The following TLN2 variants were observed in gnomAD, a reference collection of about 807,000 sequenced individuals.
The protein encoded by TLN2 is talin 2.
TLN2 carries 118 observed loss-of-function variants against 294.7 expected under a neutral mutation model. The observed-to-expected ratio is 0.40, with a 90% CI of 0.34 to 0.47. The LOEUF is 0.47. TLN2 is among the 20% of genes least tolerant of loss of function. The pLI, the probability that TLN2 is intolerant of heterozygous loss-of-function variation, is 0.84. For synonymous variants in TLN2, 1,431 were observed against 1,304.5 expected (o/e 1.10, Z -2.09); for missense variants, 3,083 against 3,282.2 (o/e 0.94, Z 1.48).
At chr15:62,399,103 G>A (rs556213676) in intron 1 of TLN2, among the ~76,000 whole-genome samples, 5 of 152,018 alleles carry the variant, frequency 3.3e-5, no homozygotes, top group South Asian at 2.1e-4. Flanking sequence ...GCCCCAAGCC[G>A]TGGCAGCTTC....
rs115299113 is a variant in TLN2, at chr15:62,664,980, A to T, written c.788+7082A>T. Among the ~76,000 whole-genome samples, 1,024 of 138,264 alleles carry T rather than the reference A, an allele frequency of 7.4e-3. 11 individuals carry two copies. Among genetic ancestry groups the T allele is most frequent in the African/African-American group, 0.025 (969 of 38,786 alleles). 90.7% of individuals were successfully genotyped at this position (138,264 alleles called of 152,430 possible). On this transcript the variant is annotated intron_variant, in intron 9 of 58. Transcript: ENST00000636159. ...GCAGTCATAAAGCAGATATGACAAC[A>T]TGTCAATATGTATTTCTCCTTGGTG...
intron 1 of TLN2, among the ~76,000 whole-genome samples, chr15:62,515,841 T>A (rs2040162984): frequency 1.3e-5 from 2 of 152,294 alleles, no homozygotes; most frequent in South Asian, 4.1e-4. Context: ...TTGCCATTCC[T>A]CTTGTAGGCA....
At chr15:62,520,788 T>TTTAAAGTG (rs1236862253) in intron 1 of TLN2, among the ~76,000 whole-genome samples, 3 of 152,202 alleles carry the variant, frequency 2.0e-5, no homozygotes, top group Non-Finnish European at 4.4e-5. Context: ...GTTCTATCTC[T>TTTAAAGTG]TAAGGGAGAT....
At chr15:62,686,436 T>G (rs889730090) in intron 11 of TLN2, among the ~76,000 whole-genome samples, 2 of 152,152 alleles carry the variant, frequency 1.3e-5, no homozygotes, top group Admixed American at 1.3e-4. Context: ...TGTGGCTCTT[T>G]CCAGTCTTCT....
chr15:62,392,925 C>T (rs1298504371), intron 1 of TLN2, among the ~76,000 whole-genome samples: 1 of 152,012 alleles, frequency 6.6e-6, no homozygotes, highest in Non-Finnish European at 1.5e-5. Context: ...TTTGGGACCT[C>T]TATGCAAAAT....
At chr15:62,423,334 G>T (rs1301230158) in intron 1 of TLN2, among the ~76,000 whole-genome samples, 1 of 152,102 alleles carries the variant, frequency 6.6e-6, no homozygotes, top group Non-Finnish European at 1.5e-5. Flanking sequence ...TTGTGCCATT[G>T]TACTCCAGCC....
At chr15:62,612,150 A>G (rs536406857) in intron 2 of TLN2, among the ~76,000 whole-genome samples, 2 of 152,236 alleles carry the variant, frequency 1.3e-5, no homozygotes, top group East Asian at 3.9e-4. Context: ...AGTATTAAAT[A>G]TATGTTGATT....
At chr15:62,650,893 T>C (rs573474750) in intron 5 of TLN2, among the ~76,000 whole-genome samples, 92 of 152,220 alleles carry the variant, frequency 6.0e-4, no homozygotes, top group African/African-American at 2.2e-3. Flanking sequence ...CTTAAAAATA[T>C]CCCCCAAACA....
chr15:62,747,544 T>A (rs778446249), intron 32 of TLN2, among the ~76,000 whole-genome samples: 1 of 152,198 alleles, frequency 6.6e-6, no homozygotes, highest in Non-Finnish European at 1.5e-5. Flanking sequence ...CATGGGGTTA[T>A]CTTGTTCCAT....
intron 1 of TLN2, among the ~76,000 whole-genome samples, chr15:62,507,362 C>G (rs548766542): frequency 1.1e-4 from 17 of 152,306 alleles, no homozygotes; most frequent in African/African-American, 4.1e-4. Context: ...ATTGAGACCC[C>G]CGTGTGATGC....
chr15:62,773,869 A>G (rs971692361), intron 42 of TLN2, among the ~76,000 whole-genome samples: 6 of 152,110 alleles, frequency 3.9e-5, no homozygotes, highest in Non-Finnish European at 7.3e-5. Context: ...GACATAGTAG[A>G]TATGTTTTTT....
intron 3 of TLN2, 79 bp from the exon 4 acceptor site, chr15:62,647,196 C>T: frequency 7.5e-7 from 1 of 1,337,078 alleles, no homozygotes; most frequent in South Asian, 1.5e-5. Context: ...ATTTTAAAGT[C>T]CAGCACTTTT....
At chr15:62,461,410 G>A (rs1350068689) in intron 1 of TLN2, among the ~76,000 whole-genome samples, 8 of 152,084 alleles carry the variant, frequency 5.3e-5, no homozygotes, top group Non-Finnish European at 7.4e-5. Context: ...TTCATATTAC[G>A]TACCTGTTCT....
intron 1 of TLN2, among the ~76,000 whole-genome samples, chr15:62,434,559 A>G (rs2035193140): frequency 6.6e-6 from 1 of 152,184 alleles, no homozygotes; most frequent in African/African-American, 2.4e-5. Flanking sequence ...GTCAGAAAGT[A>G]TGTTCATCTT....
At chr15:62,714,920 A>C (rs1377701427) in intron 22 of TLN2, among the ~76,000 whole-genome samples, 1 of 152,234 alleles carries the variant, frequency 6.6e-6, no homozygotes, top group Non-Finnish European at 1.5e-5. Flanking sequence ...CAGCTGCTCA[A>C]AATACATAAA....
chr15:62,548,107 A>G (rs555329076), intron 1 of TLN2, among the ~76,000 whole-genome samples: 5 of 152,306 alleles, frequency 3.3e-5, no homozygotes, highest in South Asian at 2.1e-4. Context: ...ACAGATGACA[A>G]CTAATATCGA....
At chr15:62,793,430 T>C (rs1165673762) in intron 46 of TLN2, among the ~76,000 whole-genome samples, 3 of 152,204 alleles carry the variant, frequency 2.0e-5, no homozygotes, top group Non-Finnish European at 4.4e-5. Context: ...GATTTCCTCA[T>C]CTGTAAAATG....
intron 1 of TLN2, 58 bp downstream of exon 1, chr15:62,390,743 GA>G (rs2032000762): frequency 6.6e-6 from 1 of 152,120 alleles, no homozygotes; most frequent in Non-Finnish European, 1.5e-5. Context: ...CACGTTGCAT[GA>G]ATTTCTCGTG....
intron 12 of TLN2, 67 bp from the exon 13 acceptor site, chr15:62,692,773 A>G: frequency 8.1e-7 from 1 of 1,239,860 alleles, no homozygotes; most frequent in Non-Finnish European, 1.2e-6. Flanking sequence ...CTAGAGCTGG[A>G]CCTGCTAGCC....
Sources: allele counts gnomAD v4.1 joint callset (sites outside exome capture counted in the v4.1 genomes callset), GRCh38; gene constraint gnomAD v4.1.1; transcripts MANE v1.5; gene names NCBI Gene and HGNC (gene_info 2026-07-23, HGNC 2026-07-21).